The following RIMS2 variants were observed in gnomAD, a reference collection of about 807,000 sequenced individuals.
RIMS2 encodes the protein regulating synaptic membrane exocytosis protein 2.
RIMS2 carries 59 observed loss-of-function variants against 174.4 expected under a neutral mutation model. That is an observed-to-expected ratio of 0.34 (90% confidence interval 0.27 to 0.42). The LOEUF is 0.42. Ranked by LOEUF, RIMS2 falls within the 10% of genes least tolerant of loss-of-function variation. The pLI, the probability that RIMS2 is intolerant of heterozygous loss-of-function variation, is 1.00. For missense variants in RIMS2, 1,620 were observed against 1,666.3 expected, an observed-to-expected ratio of 0.97 and a Z score of 0.48; for synonymous variants, 606 against 572.5, an observed-to-expected ratio of 1.06 and a Z score of -0.84.
intron 3 of RIMS2, among the ~76,000 whole-genome samples, chr8:103,814,205 C>T (rs978617232): frequency 2.6e-5 from 4 of 151,952 alleles, no homozygotes; most frequent in African/African-American, 2.4e-5. Flanking sequence ...GATGAGAACA[C>T]GTGGACACAT....
intron 8 of RIMS2, among the ~76,000 whole-genome samples, chr8:103,916,853 A>G (rs923625642): frequency 3.9e-5 from 6 of 152,092 alleles, no homozygotes; most frequent in Non-Finnish European, 8.8e-5. Flanking sequence ...TATAGTCTAT[A>G]AATTTTACAT....
intron 1 of RIMS2, among the ~76,000 whole-genome samples, chr8:103,547,819 A>G (rs2131464876): frequency 6.6e-6 from 1 of 152,316 alleles, no homozygotes; most frequent in Admixed American, 6.5e-5. Flanking sequence ...ATGAAATAAC[A>G]AAGCACATAT....
chr8:104,062,014 A>G (rs993072556), intron 19 of RIMS2, among the ~76,000 whole-genome samples: 1 of 152,148 alleles, frequency 6.6e-6, no homozygotes, highest in South Asian at 2.1e-4. Flanking sequence ...GATCAAAAAT[A>G]TGATCATTTT....
intron 1 of RIMS2, among the ~76,000 whole-genome samples, chr8:103,668,157 A>C (rs181024781): frequency 6.6e-6 from 1 of 152,334 alleles, no homozygotes; most frequent in East Asian, 1.9e-4. Context: ...CTATTTCATA[A>C]GGGATCAACT....
chr8:103,956,370 C>A (rs1040898329), intron 14 of RIMS2, among the ~76,000 whole-genome samples: 2 of 152,126 alleles, frequency 1.3e-5, no homozygotes, highest in African/African-American at 2.4e-5. Context: ...GCTACAGTAA[C>A]CAAAAGAGCA....
intron 1 of RIMS2, among the ~76,000 whole-genome samples, chr8:103,531,093 A>G (rs1786795865): frequency 6.6e-6 from 1 of 151,534 alleles, no homozygotes; most frequent in African/African-American, 2.4e-5. Context: ...AAATTAGTAA[A>G]ACTATAGAAT....
chr8:104,036,021 G>A (rs971775641), intron 19 of RIMS2, among the ~76,000 whole-genome samples: 9 of 152,018 alleles, frequency 5.9e-5, no homozygotes, highest in Non-Finnish European at 1.5e-5. Flanking sequence ...TTTAAAATTA[G>A]TTCAGTTTTC....
At position 103,969,983 on chromosome 8, in the gene RIMS2, C is replaced by A. The variant is rs138467874; in HGVS notation, c.2771-5367C>A. Reference sequence around the variant, plus strand: ...CAGACAGGTCTTCAACTCCTGACCTCAAGTAATCCACCTGCCTTGGCCTCC... The same window carrying A: ...CAGACAGGTCTTCAACTCCTGACCTAAAGTAATCCACCTGCCTTGGCCTCC... On this transcript the variant is annotated intron_variant, in intron 15 of 23. Coordinates refer to ENST00000504942, the Ensembl canonical transcript of RIMS2. 9.9e-5 allele frequency among the ~76,000 whole-genome samples: 15 copies of A among 152,284 alleles called. 1 individual carries two copies. The highest frequency in any genetic ancestry group is 1.6e-4 in the Non-Finnish European group (11 of 68,022).
intron 19 of RIMS2, chr8:104,094,465 T>C (rs1468419579): frequency 1.7e-6 from 1 of 590,462 alleles, no homozygotes; most frequent in Non-Finnish European, 3.0e-6. Flanking sequence ...TCAATTTCTG[T>C]TGCTTTCAAA....
rs574388017 is a variant in RIMS2, at chr8:103,566,738, G to T, written c.176+65676G>T. Among the ~76,000 whole-genome samples, 7 of 152,166 alleles carry T rather than the reference G, an allele frequency of 4.6e-5. No individual in the cohort carries two copies. In the South Asian group the frequency reaches 1.5e-3, roughly 32 times the overall value. Reference sequence around the variant, plus strand: ...GTTCTATATCCTTTCCTATATCCTTGTACTGATTATTCCTGTCCTTTACTA... The same window carrying T: ...GTTCTATATCCTTTCCTATATCCTTTTACTGATTATTCCTGTCCTTTACTA... On this transcript the variant is annotated intron_variant, in intron 1 of 23. Transcript: ENST00000504942.
At chr8:104,058,081 C>T (rs1340959598) in intron 19 of RIMS2, among the ~76,000 whole-genome samples, 2 of 149,906 alleles carry the variant, frequency 1.3e-5, no homozygotes, top group Admixed American at 1.3e-4. Context: ...TGGGTATATA[C>T]CCAGTAATGG....
intron 14 of RIMS2, among the ~76,000 whole-genome samples, chr8:103,960,663 T>C (rs1421858168): frequency 6.6e-6 from 1 of 152,176 alleles, no homozygotes; most frequent in South Asian, 2.1e-4. Flanking sequence ...ATATAACACA[T>C]TGTGTTTTGA....
intron 3 of RIMS2, among the ~76,000 whole-genome samples, chr8:103,794,055 C>T (rs2098528030): frequency 6.6e-6 from 1 of 152,140 alleles, no homozygotes; most frequent in Non-Finnish European, 1.5e-5. Flanking sequence ...CTACCAATGA[C>T]TTTCTTTACA....
At chr8:103,794,628 C>G (rs190013998) in intron 3 of RIMS2, among the ~76,000 whole-genome samples, 140 of 152,238 alleles carry the variant, frequency 9.2e-4, no homozygotes, top group African/African-American at 2.9e-3. Flanking sequence ...AAAGAAACCA[C>G]CATCAGAGTG....
At chr8:104,172,782 T>C (rs1055766863) in intron 19 of RIMS2, among the ~76,000 whole-genome samples, 1 of 152,224 alleles carries the variant, frequency 6.6e-6, no homozygotes, top group Non-Finnish European at 1.5e-5. Flanking sequence ...TATGACTAAG[T>C]GTGGAAATAG....
At chr8:103,601,416 A>G (rs565966200) in intron 1 of RIMS2, among the ~76,000 whole-genome samples, 27 of 152,326 alleles carry the variant, frequency 1.8e-4, no homozygotes, top group African/African-American at 6.3e-4. Context: ...TTTATCATAT[A>G]ATGACCTTCT....
intron 3 of RIMS2, among the ~76,000 whole-genome samples, chr8:103,884,051 A>T (rs1193293325): frequency 2.6e-5 from 4 of 151,820 alleles, no homozygotes; most frequent in Non-Finnish European, 4.4e-5. Context: ...TACCTGGAAA[A>T]CCTAGACTAA....
chr8:103,624,240 A>T (rs1323511012), intron 1 of RIMS2, among the ~76,000 whole-genome samples: 1 of 152,210 alleles, frequency 6.6e-6, no homozygotes, highest in Non-Finnish European at 1.5e-5. Context: ...TTGCCCTGCC[A>T]ATGTGTGTTG....
intron 3 of RIMS2, among the ~76,000 whole-genome samples, chr8:103,851,793 T>G (rs1162827620): frequency 6.6e-6 from 1 of 151,954 alleles, no homozygotes; most frequent in Non-Finnish European, 1.5e-5. Flanking sequence ...GGGACTTTAT[T>G]CATATTATGA....
Sources: gnomAD v4.1 joint callset for allele counts (sites outside exome capture counted in the v4.1 genomes callset) on GRCh38, gnomAD v4.1.1 for gene constraint, MANE v1.5 for transcripts, NCBI Gene and HGNC (gene_info 2026-07-23, HGNC 2026-07-21) for gene names.